Variants in KNG1 observed in about 807,000 individuals in gnomAD.
KNG1 encodes kininogen 1, also known as kininogen-1.
A neutral mutation model predicts 47.8 loss-of-function variants in KNG1; 23 were observed. That is an observed-to-expected ratio of 0.48 (90% CI 0.35 to 0.68). The LOEUF is 0.68. Among genes scored for constraint, KNG1 ranks in the 30% least tolerant of loss-of-function variants. KNG1 has a pLI of 0.01. For synonymous variants in KNG1, 277 were observed against 277.0 expected (o/e 1.00, Z 0.00); for missense variants, 762 against 790.2 (o/e 0.96, Z 0.43).
chr3:186,731,475 A>C, intron 5 of KNG1, 70 bp from the exon 6 acceptor site: 1 of 870,184 alleles, frequency 1.1e-6, no homozygotes, highest in Non-Finnish European at 1.9e-6. Context: ...CTTCAATTTT[A>C]CTAGTTGTTT....
rs181235963 is a variant in KNG1, at chr3:186,737,605, T to G, written c.931-1494T>G. ...AGAGTCTCACTCTGTCACCCAGGCTTGAGTGTAGTGGCGTGATCTTGGCTC... is the reference window on the plus strand; with the variant it reads ...AGAGTCTCACTCTGTCACCCAGGCTGGAGTGTAGTGGCGTGATCTTGGCTC... On this transcript the variant is annotated intron_variant, in intron 7 of 9. Transcript: ENST00000644859. Among the ~76,000 whole-genome samples, 292 of 151,430 alleles carry G rather than the reference T, an allele frequency of 1.9e-3. 1 individual carries two copies. The highest frequency in any genetic ancestry group is 6.4e-3 in the African/African-American group (264 of 41,254).
intron 7 of KNG1, among the ~76,000 whole-genome samples, 197 bp downstream of exon 7, chr3:186,732,871 T>C (rs1388842124): frequency 6.6e-6 from 1 of 152,156 alleles, no homozygotes; most frequent in African/African-American, 2.4e-5. Flanking sequence ...ATTCTCTCTG[T>C]TTTCTATATG....
Position 186,731,595 on chromosome 3 carries a change from T to C in KNG1, c.723T>C (p.Ile241=), listed in dbSNP as rs1442024544. ...DNAYIDIQLR[I]ASFSQNCDIY... ...CATACATCGATATTCAGCTACGAAT[T>C]GCTTCCTTCTCACAGAACTGTGACA... Residue 241 remains isoleucine, a synonymous_variant, in exon 6 of 10, where the codon ATT becomes ATC. Transcript: ENST00000644859. 3 of 1,610,452 alleles carry C rather than the reference T, an allele frequency of 1.9e-6. No individual in the cohort carries two copies. The highest frequency in any genetic ancestry group is 2.5e-6 in the Non-Finnish European group (3 of 1,176,736).
At chr3:186,737,430 A>T (rs1029292687) in intron 7 of KNG1, among the ~76,000 whole-genome samples, 2 of 151,942 alleles carry the variant, frequency 1.3e-5, no homozygotes, top group South Asian at 2.1e-4. Flanking sequence ...TTCTCTAGTC[A>T]AGTTTTAGTA....
chr3:186,732,900 A>G (rs777418885), intron 7 of KNG1, among the ~76,000 whole-genome samples: 1 of 152,140 alleles, frequency 6.6e-6, no homozygotes, highest in Admixed American at 6.6e-5. Context: ...TGAGGTGAGG[A>G]TCAAATAAGT....
Position 186,742,714 on chromosome 3 carries a change from T to C in KNG1, c.*383T>C, listed in dbSNP as rs1265533275. The C allele has an allele frequency of 9.6e-7, 1 of 1,041,574 alleles. No homozygotes were observed. The highest frequency in any genetic ancestry group is 1.2e-6 in the Non-Finnish European group (1 of 865,116). 64.5% of individuals were successfully genotyped at this position (1,041,574 alleles called of 1,614,324 possible). ...TAAACTGTGGCACTTGGTATTTGAA[T>C]GTGTGTGAAAATAAGGGAAGTCAAG... On this transcript the variant is annotated 3_prime_UTR_variant, in exon 10 of 10. Transcript: ENST00000644859.
Position 186,741,596 on chromosome 3 carries a change from A to G in KNG1, c.1200A>G (p.Thr400=), listed in dbSNP as rs534795084. Residue 400 remains threonine (T), a synonymous_variant, in exon 10 of 10, where the codon ACA becomes ACG. Coordinates refer to ENST00000644859, the MANE Select transcript of KNG1 (RefSeq NM_001102416.3). ...SSRIGEIKEE[T]TVSPPHTSMA... The stretch of plus-strand genomic sequence containing the variant: ...GAATAGGGGAAATAAAAGAAGAAAC[A>G]ACTGTAAGTCCACCCCACACTTCCA... 1 of 1,610,120 alleles carries G rather than the reference A, an allele frequency of 6.2e-7. No individual in the cohort carries two copies. Among genetic ancestry groups the G allele is most frequent in the South Asian group, 1.1e-5 (1 of 90,402 alleles).
chr3:186,736,570 G>C (rs1720674577), intron 7 of KNG1: 1 of 152,242 alleles, frequency 6.6e-6, no homozygotes, highest in Admixed American at 6.5e-5. Flanking sequence ...GGCTGTTGAT[G>C]CTCCTGTCTG....
At chr3:186,739,843 G>GGAGTTTGA (rs1244397216) in intron 9 of KNG1, among the ~76,000 whole-genome samples, 1 of 152,164 alleles carries the variant, frequency 6.6e-6, no homozygotes, top group Non-Finnish European at 1.5e-5. Context: ...CCTGAGGTCA[G>GGAGTTTGA]GAGTTTGAGA....
At chr3:186,729,736 G>A (rs5030035) in intron 5 of KNG1, among the ~76,000 whole-genome samples, 57,632 of 151,424 alleles carry the variant, frequency 0.38, 11,088 homozygotes, top group South Asian at 0.48. Flanking sequence ...GCAATAGCGC[G>A]ATCTTGGCTC....
chr3:186,728,415 T>C (rs1163186289), intron 5 of KNG1: 1 of 152,180 alleles, frequency 6.6e-6, no homozygotes, highest in East Asian at 1.9e-4. Flanking sequence ...CATTACAGAA[T>C]GGTTAAGTAA....
At chr3:186,718,321 AC>A (rs1362622578) in intron 1 of KNG1, 18 of 260 alleles carry the variant, frequency 0.069, 1 homozygote, top group Non-Finnish European at 0.11. Context: ...CACCACCACC[AC>A]CCACCACCAC....
Position 186,732,586 on chromosome 3 carries a change from CACTG to C in KNG1, c.846_849del (p.His284ProfsTer20), listed in dbSNP as rs780188467. 1.2e-6 allele frequency: 2 copies of C among 1,613,664 alleles called. No individual in the cohort carries two copies. The highest frequency in any genetic ancestry group is 2.7e-5 in the African/African-American group (2 of 74,916). On this transcript the variant is annotated frameshift_variant, in exon 7 of 10. Transcript: ENST00000644859. LOFTEE classifies it high-confidence loss of function. ...ACCAACAGCCCAGAGCTGGAGGAGA[CACTG>C]ACTCACACCATCACAAAGCTTAATG...
chr3:186,730,385 C>T (rs1720480782), intron 5 of KNG1, among the ~76,000 whole-genome samples: 1 of 151,502 alleles, frequency 6.6e-6, no homozygotes, highest in African/African-American at 2.4e-5. Context: ...TGATACTGGC[C>T]GGGCACGGTA....
rs1241374733 is a variant in KNG1 at position 186,727,311 on chromosome 3, C to T, written c.639C>T (p.Phe213=). The T allele has an allele frequency of 1.9e-6, 3 of 1,613,354 alleles. No individual in the cohort carries two copies. Among genetic ancestry groups the T allele is most frequent in the South Asian group, 1.1e-5 (1 of 91,070 alleles). The change falls in exon 5 of 10, where the codon TTC becomes TTT. Residue 213 remains phenylalanine (F), a synonymous_variant. Coordinates refer to ENST00000644859, the MANE Select transcript of KNG1 (RefSeq NM_001102416.3). ...QTNCSKENFL[F]LTPDCKSLWN... is the part of the protein sequence containing the mutation. ...ATTGTTCCAAAGAGAATTTTCTGTTCTTAACTCCAGACTGCAAGTCCCTTT... is the reference window on the plus strand; with the variant it reads ...ATTGTTCCAAAGAGAATTTTCTGTTTTTAACTCCAGACTGCAAGTCCCTTT...
At chr3:186,720,597 T>C in intron 2 of KNG1, 1 of 310,220 alleles carries the variant, frequency 3.2e-6, no homozygotes, top group Non-Finnish European at 6.2e-6. Flanking sequence ...ATTAGCTGTG[T>C]GATAGCGGGG....
In KNG1 at chr3:186,744,015, T is replaced by C; in HGVS notation, c.*1684T>C. ...CAGCAAATTCCAGCTGGTCAGAGAGTCAGTGCTGTGGCTCTGCCATGGAGG... is the reference window on the plus strand; with the variant it reads ...CAGCAAATTCCAGCTGGTCAGAGAGCCAGTGCTGTGGCTCTGCCATGGAGG... On this transcript the variant is annotated 3_prime_UTR_variant, in exon 10 of 10. Transcript: ENST00000644859. The C allele has an allele frequency of 1.7e-6, 1 of 578,128 alleles. No individual in the cohort carries two copies. 35.8% of individuals were successfully genotyped at this position (578,128 alleles called of 1,614,324 possible).
intron 2 of KNG1, chr3:186,721,663 A>G (rs549498930): frequency 6.6e-6 from 1 of 152,404 alleles, no homozygotes; most frequent in African/African-American, 2.4e-5. Context: ...CAAGGCTGGA[A>G]CTGAATAACA....
intron 5 of KNG1, among the ~76,000 whole-genome samples, chr3:186,730,646 A>C (rs1419193796): frequency 3.4e-5 from 4 of 118,804 alleles, no homozygotes; most frequent in African/African-American, 9.7e-5. Context: ...ACAAAGAGAG[A>C]CTCCATCACA....
Sources: gnomAD v4.1 joint callset for allele counts (sites outside exome capture counted in the v4.1 genomes callset) on GRCh38, gnomAD v4.1.1 for gene constraint, MANE v1.5 for transcripts, NCBI Gene and HGNC (gene_info 2026-07-23, HGNC 2026-07-21) for gene names.